NLRP12: variants seen among roughly 807,000 people sequenced by gnomAD.
The protein encoded by NLRP12 is NACHT, LRR and PYD domains-containing protein 12.
Under a neutral mutation model 91.2 loss-of-function variants are expected in NLRP12, and 108 were observed. That is an observed-to-expected ratio of 1.18 (90% CI 1.01 to 1.39). The LOEUF is 1.39. Among genes scored for constraint, NLRP12 ranks in the 40% most tolerant of loss-of-function variants. NLRP12 has a pLI of 0.00. For missense variants in NLRP12, 1,530 were observed against 1,352.7 expected (o/e 1.13, Z -2.06); for synonymous variants, 613 against 566.7 (o/e 1.08, Z -1.16).
Position 53,795,911 on chromosome 19 carries a change from G to A in NLRP12, c.3046C>T (p.Arg1016Ter), listed in dbSNP as rs35064500. The A allele has an allele frequency of 9.7e-4, 1,573 of 1,614,096 alleles. 11 individuals carry two copies. The African/African-American group carries it at 0.016, about 16-fold the overall frequency. Residue 1016 changes from arginine to a stop codon, truncating the protein, a stop_gained, in exon 9 of 10, where the codon CGA becomes TGA. Transcript: ENST00000324134. LOFTEE classifies it high-confidence loss of function. The part of the protein sequence containing the change: ...TNNALGDTGV[R>*]LLCKRLSHPG... Reference sequence around the variant, plus strand: ...TGGCTCAGCCGCTTGCAAAGCAGTCGGACACCTGTGTCCCCTAGGGCGTTG... The same window carrying A: ...TGGCTCAGCCGCTTGCAAAGCAGTCAGACACCTGTGTCCCCTAGGGCGTTG...
At chr19:53,797,264 T>G (rs951519954) in intron 8 of NLRP12, among the ~76,000 whole-genome samples, 26 of 152,110 alleles carry the variant, frequency 1.7e-4, no homozygotes, top group Admixed American at 1.5e-3. Context: ...CCTGTGTAGC[T>G]GGGATTACAG....
In NLRP12 at chr19:53,819,621, ATATACGCG is replaced by A. The variant is rs1225544579; in HGVS notation, c.289+4257_289+4264del. 6.6e-4 allele frequency among the ~76,000 whole-genome samples: 92 copies of A among 138,734 alleles called. 4 individuals are homozygous for A. The highest frequency in any genetic ancestry group is 9.0e-4 in the African/African-American group (34 of 37,698). 91.0% of individuals were successfully genotyped at this position (138,734 alleles called of 152,430 possible). ...TACGCATATATATGTATGTATACGT[ATATACGCG>A]TATATATGTATGTATACGTATATAT... On this transcript the variant is annotated intron_variant, in intron 1 of 9. Coordinates refer to ENST00000324134, the MANE Select transcript of NLRP12 (RefSeq NM_144687.4).
At position 53,809,570 on chromosome 19, in the gene NLRP12, A is replaced by T. The variant is rs748158689; in HGVS notation, c.2072+17T>A. On this transcript the variant is annotated intron_variant, in intron 3 of 9. Transcript: ENST00000324134. Reference sequence around the variant, plus strand: ...ACGAACCTAAGCAGCCCCAGGGGATACCCCAGGGATACTTACAGCTGCACC... The same window carrying T: ...ACGAACCTAAGCAGCCCCAGGGGATTCCCCAGGGATACTTACAGCTGCACC... The T allele has an allele frequency of 5.3e-6, 8 of 1,510,246 alleles. No homozygotes were observed. The highest frequency in any genetic ancestry group is 3.4e-5 in the Admixed American group (2 of 58,578). 93.6% of individuals were successfully genotyped at this position (1,510,246 alleles called of 1,614,324 possible).
chr19:53,794,029 G>T lies in NLRP12; in HGVS notation c.*20C>A, dbSNP rs757556660. 8 of 1,572,414 alleles carry T rather than the reference G, an allele frequency of 5.1e-6. No homozygotes were observed. The African/African-American group carries it at 1.1e-4, about 21-fold the overall frequency. ...CTTCCTCTGTCCAGATCTCAGGGGA[G>T]AGCCAGCAGATAGGACCATTCAGCA... On this transcript the variant is annotated 3_prime_UTR_variant, in exon 10 of 10. Transcript: ENST00000324134.
chr19:53,802,295 G>A (rs1345830674), intron 6 of NLRP12, among the ~76,000 whole-genome samples: 1 of 152,118 alleles, frequency 6.6e-6, no homozygotes, highest in Non-Finnish European at 1.5e-5. Context: ...CAAGGAAGGT[G>A]TACAAATGGC....
Position 53,801,313 on chromosome 19 carries a change from G to C in NLRP12, c.2670C>G (p.Asp890Glu), listed in dbSNP as rs2122563335. 6.2e-7 allele frequency: 1 copy of C among 1,613,984 alleles called. No individual in the cohort carries two copies. Among genetic ancestry groups the C allele is most frequent in the Admixed American group, 1.7e-5 (1 of 59,972 alleles). ...LSVNQSLREL[D>E]LSLNELGDLG... is the part of the protein sequence containing the mutation. ...GGTCCCCCAGCTCATTCAGGCTCAG[G>C]TCCAGCTCTCTCAGGCTCTGGTTCA... Residue 890 changes from aspartate (D) to glutamate (E), a missense_variant, in exon 7 of 10, where the codon GAC (aspartate) becomes GAG (glutamate). By Grantham distance (45) the Asp-to-Glu change is conservative (BLOSUM62 2). Transcript: ENST00000324134.
At chr19:53,815,121 G>A in intron 1 of NLRP12, 133 bp from the exon 2 acceptor site, 1 of 733,116 alleles carries the variant, frequency 1.4e-6, no homozygotes. Context: ...AGTAGTGACT[G>A]CATAGGCCGT....
At position 53,815,005 on chromosome 19, in the gene NLRP12, G is replaced by T; in HGVS notation, c.290-17C>A. 6.3e-7 allele frequency: 1 copy of T among 1,599,966 alleles called. No homozygotes were observed. Among genetic ancestry groups the T allele is most frequent in the South Asian group, 1.1e-5 (1 of 90,802 alleles). ...GTGGGGTATCTGGAAGAGAAATTGT[G>T]GAAGATGAGCTAGCACGCATCTGGC... is the stretch of plus-strand genomic sequence containing the variant. On this transcript the variant is annotated splice_polypyrimidine_tract_variant and intron_variant, in intron 1 of 9. Transcript: ENST00000324134.
At chr19:53,821,202 A>AT (rs1167042696) in intron 1 of NLRP12, among the ~76,000 whole-genome samples, 1 of 151,386 alleles carries the variant, frequency 6.6e-6, no homozygotes, top group Admixed American at 6.6e-5. Flanking sequence ...CACCCGGCTA[A>AT]TTTTTTTGTA....
At chr19:53,798,076 A>G (rs1185810369) in intron 8 of NLRP12, among the ~76,000 whole-genome samples, 167 bp downstream of exon 8, 2 of 152,224 alleles carry the variant, frequency 1.3e-5, no homozygotes, top group Non-Finnish European at 2.9e-5. Flanking sequence ...CCCCCAAATC[A>G]GAATAAGTTC....
At chr19:53,804,215 C>G in intron 5 of NLRP12, 93 bp from the exon 6 acceptor site, 1 of 1,407,928 alleles carries the variant, frequency 7.1e-7, no homozygotes. Context: ...TATTTAGGAA[C>G]AGGTTGTTGC....
At chr19:53,823,673 T>C (rs2092302824) in intron 1 of NLRP12, among the ~76,000 whole-genome samples, 2 of 151,394 alleles carry the variant, frequency 1.3e-5, no homozygotes, top group Admixed American at 6.7e-5. Flanking sequence ...CTCAGCCTCC[T>C]GAGAAGCTGG....
Position 53,807,776 on chromosome 19 carries a change from G to A in NLRP12, c.2073-111C>T, listed in dbSNP as rs556446824. 9.4e-5 allele frequency: 123 copies of A among 1,305,468 alleles called. 2 individuals are homozygous for A. The highest frequency in any genetic ancestry group is 9.0e-4 in the South Asian group (74 of 82,160). 80.9% of individuals were successfully genotyped at this position (1,305,468 alleles called of 1,614,324 possible). ...GCATGCTATCCTTTTTTGAGACGGA[G>A]TTTCGCTCTTGTTGCCCAGGCTGGA... On this transcript the variant is annotated intron_variant, in intron 3 of 9. Transcript: ENST00000324134.
rs755768331 is a variant in NLRP12 at position 53,809,607 on chromosome 19, C to G, written c.2052G>C (p.Ala684=). 25 of 1,612,164 alleles carry G rather than the reference C, an allele frequency of 1.6e-5. No homozygotes were observed. In the Admixed American group the frequency reaches 3.3e-4, roughly 22 times the overall value. Reference sequence around the variant, plus strand: ...CTTACAGCTGCACCAACAGCGTGTGCGCTCCTGCGGAGCACCTCGCGCGGT... The same window carrying G: ...CTTACAGCTGCACCAACAGCGTGTGGGCTCCTGCGGAGCACCTCGCGCGGT... ...GEDRARCSAG[A]HTLLVQLPER... The change falls in exon 3 of 10, where the codon GCG becomes GCC. Residue 684 remains alanine (A), a synonymous_variant. Coordinates refer to ENST00000324134, the MANE Select transcript of NLRP12 (RefSeq NM_144687.4).
At chr19:53,806,928 G>A (rs369788696) in intron 4 of NLRP12, among the ~76,000 whole-genome samples, 8 of 151,860 alleles carry the variant, frequency 5.3e-5, no homozygotes, top group South Asian at 2.1e-4. Flanking sequence ...ATGACCATGT[G>A]AAGACAGAAG....
Position 53,819,627 on chromosome 19 carries a change from G to A in NLRP12, c.289+4259C>T, listed in dbSNP as rs868716348. On this transcript the variant is annotated intron_variant, in intron 1 of 9. Transcript: ENST00000324134. ...TATATATGTATGTATACGTATATAC[G>A]CGTATATATGTATGTATACGTATAT... Among the ~76,000 whole-genome samples, 248 of 52,978 alleles carry A rather than the reference G, an allele frequency of 4.7e-3. 26 individuals are homozygous for A. Among genetic ancestry groups the A allele is most frequent in the African/African-American group, 0.01 (141 of 13,620 alleles). The allele number at this position is 52,978 out of a possible 152,430, so 34.8% of individuals were successfully genotyped here. A position where few individuals can be genotyped will look rare whatever the true frequency, so the allele number is the denominator to read the frequency against.
intron 5 of NLRP12, among the ~76,000 whole-genome samples, chr19:53,804,393 G>GTTTTTTTTTTTTTT (rs923117109): frequency 8.7e-6 from 1 of 114,806 alleles, no homozygotes; most frequent in Non-Finnish European, 1.8e-5. Flanking sequence ...TTTTTTTTGG[G>GTTTTTTTTTTTTTT]TTTTTTTGTT....
At chr19:53,803,531 C>T (rs531714802) in intron 6 of NLRP12, among the ~76,000 whole-genome samples, 13 of 152,014 alleles carry the variant, frequency 8.6e-5, no homozygotes, top group Admixed American at 3.9e-4. Flanking sequence ...TCCCGTTAAA[C>T]GGTAACTCCC....
At chr19:53,800,926 G>A (rs1327835776) in intron 7 of NLRP12, among the ~76,000 whole-genome samples, 2 of 152,024 alleles carry the variant, frequency 1.3e-5, no homozygotes, top group East Asian at 3.9e-4. Context: ...TGGGTGCAGT[G>A]GCTCAAGCCT....
Sources: gnomAD v4.1 joint callset for allele counts (sites outside exome capture counted in the v4.1 genomes callset) on GRCh38, gnomAD v4.1.1 for gene constraint, MANE v1.5 for transcripts, NCBI Gene and HGNC (gene_info 2026-07-23, HGNC 2026-07-21) for gene names.